The following ANTXR1 variants were observed in gnomAD, a reference collection of about 807,000 sequenced individuals.
The protein encoded by ANTXR1 is ANTXR cell adhesion molecule 1.
A neutral mutation model predicts 78.1 loss-of-function variants in ANTXR1; 19 were observed. The ratio of observed to expected loss-of-function variants is 0.24; its 90% CI spans 0.17 to 0.36. The LOEUF (loss-of-function observed/expected upper bound fraction) is 0.36. ANTXR1 is among the 10% of genes least tolerant of loss of function. ANTXR1 has a pLI of 1.00. For missense variants in ANTXR1, 518 were observed against 718.6 expected (o/e 0.72, Z 3.19); for synonymous variants, 273 against 260.5 (o/e 1.05, Z -0.46).
At chr2:69,092,290 A>G (rs147733964) in intron 9 of ANTXR1, among the ~76,000 whole-genome samples, 70 of 152,336 alleles carry the variant, frequency 4.6e-4, no homozygotes, top group African/African-American at 1.6e-3. Flanking sequence ...ATTTTATTCC[A>G]GTTTCTGGCC....
intron 17 of ANTXR1, among the ~76,000 whole-genome samples, chr2:69,235,380 G>A (rs1039534320): frequency 1.3e-5 from 2 of 152,036 alleles, no homozygotes; most frequent in Non-Finnish European, 2.9e-5. Flanking sequence ...CAGGGGCAGT[G>A]GTTCACGCCT....
intron 13 of ANTXR1, among the ~76,000 whole-genome samples, chr2:69,165,593 G>A (rs1057507739): frequency 2.6e-5 from 4 of 152,260 alleles, no homozygotes; most frequent in Non-Finnish European, 5.9e-5. Flanking sequence ...AGGCAAAACA[G>A]GGGACCACAA....
intron 3 of ANTXR1, among the ~76,000 whole-genome samples, chr2:69,055,052 G>A (rs567512740): frequency 1.3e-5 from 2 of 152,296 alleles, no homozygotes; most frequent in African/African-American, 4.8e-5. Flanking sequence ...ACTGTTGGAA[G>A]GGTTAACAAT....
At chr2:69,177,238 A>G (rs1233483717) in intron 14 of ANTXR1, among the ~76,000 whole-genome samples, 1 of 152,254 alleles carries the variant, frequency 6.6e-6, no homozygotes, top group Non-Finnish European at 1.5e-5. Flanking sequence ...AGGGATGGGT[A>G]GAAGCAATGG....
intron 12 of ANTXR1, among the ~76,000 whole-genome samples, chr2:69,149,170 A>G (rs538030664): frequency 6.6e-6 from 1 of 152,228 alleles, no homozygotes; most frequent in East Asian, 1.9e-4. Flanking sequence ...GTTCCTCAAG[A>G]AGTGTCTGCC....
chr2:69,197,409 G>A (rs756428535), intron 17 of ANTXR1, among the ~76,000 whole-genome samples: 3 of 152,066 alleles, frequency 2.0e-5, no homozygotes, highest in Non-Finnish European at 2.9e-5. Context: ...CATTTCATAC[G>A]CTACTTACCC....
In ANTXR1 at chr2:69,043,484, C is replaced by T. The variant is rs555210715; in HGVS notation, c.225-1258C>T. 9.2e-5 allele frequency among the ~76,000 whole-genome samples: 14 copies of T among 152,272 alleles called. No homozygotes were observed. In the South Asian group the frequency reaches 2.5e-3, roughly 27 times the overall value. ...GACATGGTGTCCTGCTGCCCCAGTGCTGGGGAAGTAGTCCCAGGCAGCACG... is the reference window on the plus strand; with the variant it reads ...GACATGGTGTCCTGCTGCCCCAGTGTTGGGGAAGTAGTCCCAGGCAGCACG... On this transcript the variant is annotated intron_variant, in intron 2 of 17. Coordinates refer to ENST00000303714, the MANE Select transcript of ANTXR1 (RefSeq NM_032208.3).
chr2:69,151,186 C>CTTTTTTTTTTTTTTTTTTT (rs59147668), intron 12 of ANTXR1, among the ~76,000 whole-genome samples: 1 of 82,562 alleles, frequency 1.2e-5, no homozygotes, highest in African/African-American at 4.9e-5. Context: ...TGATTATTTT[C>CTTTTTTTTTTTTTTTTTTT]TTTTTTTTTT....
At chr2:69,128,719 T>C (rs749994950) in intron 12 of ANTXR1, among the ~76,000 whole-genome samples, 1 of 152,188 alleles carries the variant, frequency 6.6e-6, no homozygotes, top group East Asian at 1.9e-4. Flanking sequence ...ATCCAAAATA[T>C]GAAGTAAGGT....
At chr2:69,112,009 C>A (rs891715658) in intron 10 of ANTXR1, among the ~76,000 whole-genome samples, 1 of 152,138 alleles carries the variant, frequency 6.6e-6, no homozygotes, top group Non-Finnish European at 1.5e-5. Flanking sequence ...AGGCACTTAA[C>A]GCAATCTCGA....
chr2:69,063,211 A>T (rs935529860), intron 3 of ANTXR1, among the ~76,000 whole-genome samples: 10 of 152,070 alleles, frequency 6.6e-5, no homozygotes, highest in Non-Finnish European at 1.3e-4. Flanking sequence ...AGCAGGACAA[A>T]TGCAAAGAAA....
chr2:69,062,650 CTT>C (rs1434696718), intron 3 of ANTXR1, among the ~76,000 whole-genome samples: 1 of 152,112 alleles, frequency 6.6e-6, no homozygotes, highest in Non-Finnish European at 1.5e-5. Context: ...GTCTCCACTG[CTT>C]TTTTTATACT....
At chr2:69,232,446 C>T (rs1222445108) in intron 17 of ANTXR1, among the ~76,000 whole-genome samples, 1 of 149,518 alleles carries the variant, frequency 6.7e-6, no homozygotes, top group Non-Finnish European at 1.5e-5. Flanking sequence ...TTCAAAAAAG[C>T]ACTTAGACAC....
At chr2:69,210,150 T>A (rs753144031) in intron 17 of ANTXR1, among the ~76,000 whole-genome samples, 1 of 152,192 alleles carries the variant, frequency 6.6e-6, no homozygotes, top group Non-Finnish European at 1.5e-5. Flanking sequence ...GGCTTATCCC[T>A]CTTTACACCT....
intron 17 of ANTXR1, among the ~76,000 whole-genome samples, chr2:69,203,321 G>T (rs915890514): frequency 1.3e-5 from 2 of 152,232 alleles, no homozygotes; most frequent in Non-Finnish European, 2.9e-5. Flanking sequence ...ATTCTCTGTA[G>T]TATTCATTCA....
intron 17 of ANTXR1, among the ~76,000 whole-genome samples, chr2:69,204,515 A>G (rs965484309): frequency 6.6e-6 from 1 of 152,116 alleles, no homozygotes; most frequent in Non-Finnish European, 1.5e-5. Context: ...TCTGTTCCCC[A>G]TCACCTTCTT....
At chr2:69,039,978 A>G in intron 1 of ANTXR1, 66 bp from the exon 2 acceptor site, 1 of 1,327,266 alleles carries the variant, frequency 7.5e-7, no homozygotes, top group Non-Finnish European at 1.1e-6. Flanking sequence ...GAATGTGAAG[A>G]TAAATAATAC....
chr2:69,142,713 C>T lies in ANTXR1; in HGVS notation c.952-9456C>T, dbSNP rs530488352. Among the ~76,000 whole-genome samples, 16 of 152,242 alleles carry T rather than the reference C, an allele frequency of 1.1e-4. No homozygotes were observed. In the South Asian group the frequency reaches 3.1e-3, roughly 30 times the overall value. On this transcript the variant is annotated intron_variant, in intron 12 of 17. Transcript: ENST00000303714. ...GACTTGAAAGATGAAAAACAGCTAG[C>T]CACGCAATGATAGTTAGAAAGAGTG... is the stretch of plus-strand genomic sequence containing the variant.
intron 17 of ANTXR1, among the ~76,000 whole-genome samples, chr2:69,225,157 C>T (rs1349966247): frequency 6.6e-6 from 1 of 152,190 alleles, no homozygotes; most frequent in Non-Finnish European, 1.5e-5. Context: ...TCAAATTTCA[C>T]AGTCCCGAGC....
Sources: gnomAD v4.1 joint callset for allele counts (sites outside exome capture counted in the v4.1 genomes callset) on GRCh38, gnomAD v4.1.1 for gene constraint, MANE v1.5 for transcripts, NCBI Gene and HGNC (gene_info 2026-07-23, HGNC 2026-07-21) for gene names.